The following MTCL1 variants were observed in gnomAD, a reference collection of about 807,000 sequenced individuals.
The protein encoded by MTCL1 is microtubule cross-linking factor 1.
A neutral mutation model predicts 141.4 loss-of-function variants in MTCL1; 79 were observed. That is an observed-to-expected ratio of 0.56 (90% CI 0.47 to 0.67). The LOEUF (loss-of-function observed/expected upper bound fraction) is 0.67. MTCL1 is among the 30% of genes least tolerant of loss of function. The pLI, the probability that MTCL1 is intolerant of heterozygous loss-of-function variation, is 0.00. For missense variants in MTCL1, 2,177 were observed against 2,113.9 expected, an observed-to-expected ratio of 1.03 and a Z score of -0.59; for synonymous variants, 914 against 875.8, an observed-to-expected ratio of 1.04 and a Z score of -0.77.
Position 8,791,830 on chromosome 18 carries a change from G to GT in MTCL1, c.1888-1162dup, listed in dbSNP as rs573777359. ...ATTTAATGCTGTCAGAAATTACTGA[G>GT]TTTTTTGAAAATAAGATGTTTAAAT... On this transcript the variant is annotated intron_variant, in intron 7 of 16. Transcript: ENST00000359865. Among the ~76,000 whole-genome samples, 5 of 152,280 alleles carry GT rather than the reference G, an allele frequency of 3.3e-5. No individual in the cohort carries two copies. The South Asian group carries it at 1.0e-3, about 32-fold the overall frequency.
At chr18:8,731,410 C>G (rs2096250045) in intron 4 of MTCL1, among the ~76,000 whole-genome samples, 1 of 151,636 alleles carries the variant, frequency 6.6e-6, no homozygotes, top group South Asian at 2.1e-4. Flanking sequence ...CCCGTCTGTA[C>G]TAAAAATACA....
At chr18:8,727,492 G>A (rs952985343) in intron 4 of MTCL1, among the ~76,000 whole-genome samples, 15 of 152,108 alleles carry the variant, frequency 9.9e-5, no homozygotes, top group East Asian at 3.8e-4. Context: ...CATTCTGACC[G>A]GTGTTTGATG....
intron 4 of MTCL1, among the ~76,000 whole-genome samples, chr18:8,754,446 T>TA (rs762301674): frequency 5.9e-5 from 9 of 152,182 alleles, no homozygotes; most frequent in Non-Finnish European, 1.2e-4. Flanking sequence ...CAGGAGCTTT[T>TA]GGGAATATGG....
At chr18:8,802,656 C>T (rs1269215816) in intron 10 of MTCL1, among the ~76,000 whole-genome samples, 1 of 152,204 alleles carries the variant, frequency 6.6e-6, no homozygotes, top group African/African-American at 2.4e-5. Flanking sequence ...AATTCTGAAC[C>T]TGTTAAAAAG....
At chr18:8,797,696 T>C (rs923635316) in intron 9 of MTCL1, among the ~76,000 whole-genome samples, 1 of 152,242 alleles carries the variant, frequency 6.6e-6, no homozygotes, top group Non-Finnish European at 1.5e-5. Context: ...GAAGAAAGTC[T>C]TGAAAAACTA....
chr18:8,826,335 A>G, intron 15 of MTCL1, 103 bp downstream of exon 14: 1 of 1,122,282 alleles, frequency 8.9e-7, no homozygotes. Context: ...GATCTCAGGA[A>G]TCGTCCATGA....
intron 4 of MTCL1, among the ~76,000 whole-genome samples, chr18:8,722,569 A>T (rs922484405): frequency 6.6e-6 from 1 of 152,174 alleles, no homozygotes; most frequent in African/African-American, 2.4e-5. Flanking sequence ...GAGAAAATAA[A>T]ATGTTGTTAA....
intron 12 of MTCL1, among the ~76,000 whole-genome samples, chr18:8,816,103 A>G (rs1440714000): frequency 6.6e-6 from 1 of 152,228 alleles, no homozygotes; most frequent in African/African-American, 2.4e-5. Flanking sequence ...CTTCCTGAAA[A>G]GAGGATGTTG....
intron 9 of MTCL1, among the ~76,000 whole-genome samples, chr18:8,797,834 TA>T (rs1350004753): frequency 6.6e-6 from 1 of 152,254 alleles, no homozygotes; most frequent in East Asian, 1.9e-4. Flanking sequence ...AAACCATAGC[TA>T]TTAGCAATAC....
At chr18:8,770,360 T>C (rs2096480309) in intron 4 of MTCL1, among the ~76,000 whole-genome samples, 1 of 152,226 alleles carries the variant, frequency 6.6e-6, no homozygotes, top group South Asian at 2.1e-4. Context: ...GGCTAGGGGC[T>C]TAAAGAACAC....
intron 4 of MTCL1, among the ~76,000 whole-genome samples, chr18:8,758,203 A>G (rs1409716745): frequency 2.0e-5 from 3 of 152,018 alleles, no homozygotes; most frequent in Non-Finnish European, 4.4e-5. Context: ...TTGTATTTTT[A>G]GTAGAGACGG....
At chr18:8,812,709 A>G in intron 11 of MTCL1, 1 of 412,056 alleles carries the variant, frequency 2.4e-6, no homozygotes, top group South Asian at 3.1e-5. Flanking sequence ...ACACAGAAGT[A>G]CAGGCAAGAG....
exon 6 of MTCL1, chr18:8,784,350 G>A: frequency 1.3e-6 from 2 of 1,539,514 alleles, no homozygotes; most frequent in Non-Finnish European, 1.8e-6. Flanking sequence ...GGGCCTGTTG[G>A]CGGGGAGAGT....
chr18:8,826,386 A>G (rs923780162), intron 15 of MTCL1, among the ~76,000 whole-genome samples, 154 bp downstream of exon 14: 3 of 152,212 alleles, frequency 2.0e-5, no homozygotes, highest in Non-Finnish European at 4.4e-5. Context: ...TTTATGGGAG[A>G]ATAGAATAGG....
At chr18:8,783,055 G>A (rs1003372514) in intron 5 of MTCL1, among the ~76,000 whole-genome samples, 6 of 152,218 alleles carry the variant, frequency 3.9e-5, no homozygotes, top group African/African-American at 1.2e-4. Context: ...AGGTCTGCAC[G>A]TTGGAGGTGG....
intron 4 of MTCL1, among the ~76,000 whole-genome samples, chr18:8,736,677 G>A (rs977608638): frequency 1.5e-4 from 21 of 135,990 alleles, no homozygotes; most frequent in Admixed American, 9.3e-4. Flanking sequence ...TCGCTCTGTC[G>A]CCCAGGCTGG....
At chr18:8,796,236 A>G (rs760875720) in exon 9 of MTCL1, 2 of 1,614,084 alleles carry the variant, frequency 1.2e-6, no homozygotes, top group Non-Finnish European at 1.7e-6. Flanking sequence ...TTCAAGATGG[A>G]GGAGGAGCAC....
At chr18:8,820,132 G>A (rs1436513322) in intron 13 of MTCL1, among the ~76,000 whole-genome samples, 4 of 152,124 alleles carry the variant, frequency 2.6e-5, no homozygotes, top group Middle Eastern at 3.2e-3. Context: ...TTCTAGGGCC[G>A]GATGTGGTGG....
chr18:8,706,187 C>T (rs111368090), exon 1 of MTCL1: 1 of 1,224,820 alleles, frequency 8.2e-7, no homozygotes, highest in East Asian at 3.2e-5. Context: ...ACCGTCGGCC[C>T]CCCGACCCCG....
Sources: gnomAD v4.1 joint callset for allele counts (sites outside exome capture counted in the v4.1 genomes callset) on GRCh38, gnomAD v4.1.1 for gene constraint, MANE v1.5 for transcripts, NCBI Gene and HGNC (gene_info 2026-07-23, HGNC 2026-07-21) for gene names.